Variants in STRADB observed in about 807,000 individuals in gnomAD.
STRADB encodes STE20 related adaptor beta.
STRADB carries 34 observed loss-of-function variants against 52.1 expected under a neutral mutation model. The ratio of observed to expected loss-of-function variants is 0.65; its 90% confidence interval spans 0.50 to 0.87. The LOEUF (loss-of-function observed/expected upper bound fraction) is 0.87, where lower values mean the gene tolerates loss of function less well. Ranked by LOEUF, STRADB falls within the 40% of genes least tolerant of loss-of-function variation. The probability of loss-of-function intolerance (pLI) is 0.00; values close to 1 mark genes in which losing one functional copy is unlikely to be tolerated. For missense variants in STRADB, 340 were observed against 483.9 expected (o/e 0.70, Z 2.79); for synonymous variants, 133 against 174.5 (o/e 0.76, Z 1.87).
intron 11 of STRADB, 75 bp from the exon 12 acceptor site, chr2:201,479,957 A>G (rs1250815791): frequency 1.3e-6 from 2 of 1,548,278 alleles, no homozygotes; most frequent in Non-Finnish European, 8.9e-7. Flanking sequence ...AAATTCTTTA[A>G]AAGTTATTTA....
chr2:201,472,250 G>A (rs1169639926), intron 4 of STRADB, among the ~76,000 whole-genome samples: 2 of 152,122 alleles, frequency 1.3e-5, no homozygotes, highest in African/African-American at 2.4e-5. Context: ...AATCTCACTC[G>A]CAGATATTTG....
At chr2:201,469,742 C>G (rs1952360707) in intron 3 of STRADB, among the ~76,000 whole-genome samples, 1 of 152,176 alleles carries the variant, frequency 6.6e-6, no homozygotes, top group Admixed American at 6.5e-5. Flanking sequence ...TCTGCTTTTC[C>G]TGCCCTCTCC....
chr2:201,463,633 C>G (rs1952252270), intron 3 of STRADB, among the ~76,000 whole-genome samples: 1 of 152,100 alleles, frequency 6.6e-6, no homozygotes, highest in Admixed American at 6.5e-5. Context: ...ATATCTTTCT[C>G]TAGGCTTGGA....
In STRADB at chr2:201,480,700, T is replaced by G. The variant is rs1313220148; in HGVS notation, c.*525T>G. 1 of 985,758 alleles carries G rather than the reference T, an allele frequency of 1.0e-6. No homozygotes were observed. The highest frequency in any genetic ancestry group is 1.7e-5 in the African/African-American group (1 of 57,240). The allele number at this position is 985,758 out of a possible 1,614,324, so 61.1% of individuals were successfully genotyped here. Reference sequence around the variant, plus strand: ...AACACCTAACTGAGCCTCACTCACATTAAATGATTCACTTGAAATATATAC... The same window carrying G: ...AACACCTAACTGAGCCTCACTCACAGTAAATGATTCACTTGAAATATATAC... On this transcript the variant is annotated 3_prime_UTR_variant, in exon 12 of 12. Coordinates refer to ENST00000194530, the MANE Select transcript of STRADB (RefSeq NM_018571.6).
intron 9 of STRADB, 45 bp downstream of exon 9, chr2:201,478,236 T>G (rs1365804188): frequency 1.9e-6 from 3 of 1,595,398 alleles, no homozygotes; most frequent in African/African-American, 2.7e-5. Context: ...TTCATAAGAC[T>G]GCTTACATTC....
intron 2 of STRADB, 103 bp from the exon 3 acceptor site, chr2:201,458,681 C>T: frequency 1.0e-6 from 1 of 962,600 alleles, no homozygotes; most frequent in Non-Finnish European, 1.6e-6. Context: ...TGCCCTTCCT[C>T]TCTTTTCCCC....
chr2:201,473,060 G>T lies in STRADB; in HGVS notation c.299G>T (p.Arg100Leu), dbSNP rs374727442. The T allele has an allele frequency of 2.2e-5, 36 of 1,612,344 alleles. No homozygotes were observed. The highest frequency in any genetic ancestry group is 3.0e-5 in the Non-Finnish European group (35 of 1,179,506). Residue 100 changes from arginine to leucine, a missense_variant, in exon 5 of 12, where the codon CGC becomes CTC. Coordinates refer to ENST00000194530, the MANE Select transcript of STRADB (RefSeq NM_018571.6). ...ITNLENCNEE[R>L]LKALQKAVIL... Reference sequence around the variant, plus strand: ...AATCTGGAAAACTGCAATGAAGAACGCCTGAAAGCTTTACAGGTAACAATA... The same window carrying T: ...AATCTGGAAAACTGCAATGAAGAACTCCTGAAAGCTTTACAGGTAACAATA...
rs111231698 is a variant in STRADB, at chr2:201,468,755, C to T, written c.94-1198C>T. 8.2e-3 allele frequency among the ~76,000 whole-genome samples: 1,244 copies of T among 152,212 alleles called. 22 individuals are homozygous for T. Among genetic ancestry groups the T allele is most frequent in the African/African-American group, 0.028 (1,155 of 41,526 alleles). On this transcript the variant is annotated intron_variant, in intron 3 of 11. Transcript: ENST00000194530. ...TAGCTCATTACATCTCTAGCCTTCC[C>T]GACAGGCTTACAGGTTGATATCACT...
intron 6 of STRADB, 25 bp from the exon 7 acceptor site, chr2:201,475,594 T>G: frequency 6.2e-7 from 1 of 1,611,674 alleles, no homozygotes. Context: ...AATGTTCATC[T>G]AAGGATTTTA....
intron 4 of STRADB, among the ~76,000 whole-genome samples, chr2:201,471,571 T>TCATA (rs1952389349): frequency 6.6e-6 from 1 of 152,166 alleles, no homozygotes; most frequent in Admixed American, 6.5e-5. Flanking sequence ...AGGCTCTGAG[T>TCATA]CATACAGTTA....
chr2:201,467,092 G>A (rs1254657498), intron 3 of STRADB, among the ~76,000 whole-genome samples: 1 of 152,118 alleles, frequency 6.6e-6, no homozygotes, highest in Non-Finnish European at 1.5e-5. Flanking sequence ...TTCAGTATCA[G>A]ATCCACATTA....
chr2:201,451,863 A>C lies in STRADB; in HGVS notation c.-171A>C, dbSNP rs28364660. ...AGAGCGCTCGCCTCGCCCCTCCGCG[A>C]GCAGGGCTCTGGCGCCCGCCCCTGT... On this transcript the variant is annotated 5_prime_UTR_variant, in exon 1 of 12. Transcript: ENST00000194530. 1.3e-5 allele frequency: 2 copies of C among 152,096 alleles called. No individual in the cohort carries two copies. Among genetic ancestry groups the C allele is most frequent in the Non-Finnish European group, 2.9e-5 (2 of 68,144 alleles). 9.4% of individuals were successfully genotyped at this position (152,096 alleles called of 1,614,324 possible). A position where few individuals can be genotyped will look rare whatever the true frequency, so the allele number is the denominator to read the frequency against.
chr2:201,472,205 A>T (rs1952400663), intron 4 of STRADB, among the ~76,000 whole-genome samples: 1 of 152,252 alleles, frequency 6.6e-6, no homozygotes, highest in East Asian at 1.9e-4. Context: ...GCAACTTCTT[A>T]TAACGTTAAG....
At chr2:201,471,848 A>G (rs1952394956) in intron 4 of STRADB, among the ~76,000 whole-genome samples, 1 of 152,178 alleles carries the variant, frequency 6.6e-6, no homozygotes, top group South Asian at 2.1e-4. Context: ...TCCCTCAGTA[A>G]TTCTGGTGTG....
At chr2:201,475,475 T>G in intron 6 of STRADB, 144 bp from the exon 7 acceptor site, 1 of 865,926 alleles carries the variant, frequency 1.2e-6, no homozygotes, top group Non-Finnish European at 1.8e-6. Context: ...AAGAAAATCA[T>G]GTTTGTGTGG....
chr2:201,462,609 AT>A (rs1478537552), intron 3 of STRADB, among the ~76,000 whole-genome samples: 1 of 152,190 alleles, frequency 6.6e-6, no homozygotes, highest in Non-Finnish European at 1.5e-5. Context: ...ATAACATGTT[AT>A]TTTAAAGTGA....
At chr2:201,453,532 A>G (rs1952083021) in intron 1 of STRADB, among the ~76,000 whole-genome samples, 1 of 152,062 alleles carries the variant, frequency 6.6e-6, no homozygotes. Context: ...TAGTTTCTTC[A>G]TTTACTTGGA....
chr2:201,468,416 T>G (rs1952339425), intron 3 of STRADB, among the ~76,000 whole-genome samples: 1 of 152,194 alleles, frequency 6.6e-6, no homozygotes, highest in Non-Finnish European at 1.5e-5. Flanking sequence ...GCTTGCCCCT[T>G]TGTAGTTTTC....
Position 201,474,633 on chromosome 2 carries a change from T to A in STRADB, c.316-14T>A. On this transcript the variant is annotated splice_polypyrimidine_tract_variant and intron_variant, in intron 5 of 11. Coordinates refer to ENST00000194530, the MANE Select transcript of STRADB (RefSeq NM_018571.6). The stretch of plus-strand genomic sequence containing the variant: ...TTGTTTTTAAATGTCTTGTCTCTTG[T>A]GTGTTTATCCTAGAAAGCCGTGATT... 1 of 1,600,064 alleles carries A rather than the reference T, an allele frequency of 6.2e-7. No homozygotes were observed. Among genetic ancestry groups the A allele is most frequent in the Non-Finnish European group, 8.5e-7 (1 of 1,173,000 alleles).
Sources: allele counts gnomAD v4.1 joint callset (sites outside exome capture counted in the v4.1 genomes callset), GRCh38; gene constraint gnomAD v4.1.1; transcripts MANE v1.5; gene names NCBI Gene and HGNC (gene_info 2026-07-23, HGNC 2026-07-21).